EHD2: variants seen among roughly 807,000 people sequenced by gnomAD.
The protein encoded by EHD2 is EH domain containing 2.
Under a neutral mutation model 41.0 loss-of-function variants are expected in EHD2, and 27 were observed. The observed-to-expected ratio is 0.66, with a 90% CI of 0.49 to 0.91. The LOEUF (loss-of-function observed/expected upper bound fraction) is 0.91, where lower values mean the gene tolerates loss of function less well. EHD2 is among the 40% of genes least tolerant of loss of function. EHD2 has a pLI of 0.00. For synonymous variants in EHD2, 342 were observed against 341.0 expected, an observed-to-expected ratio of 1.00 and a Z score of -0.03; for missense variants, 673 against 773.9, an observed-to-expected ratio of 0.87 and a Z score of 1.55.
At chr19:47,731,280 A>AAAAAAAAAAAAAAAAAT (rs1491458646) in intron 4 of EHD2, 3 of 54,718 alleles carry the variant, frequency 5.5e-5, no homozygotes, top group African/African-American at 2.0e-4. Context: ...AAAAAAAAAA[A>AAAAAAAAAAAAAAAAAT]TATATATATA....
In EHD2 at chr19:47,742,263, C is replaced by T; in HGVS notation, c.*831C>T. ...CCCCAGTTCTGTCCACACCCCTTCC[C>T]TTTCCTGTCCTGTCCTTTCTTTCTT... On this transcript the variant is annotated 3_prime_UTR_variant, in exon 6 of 6. Coordinates refer to ENST00000263277, the MANE Select transcript of EHD2 (RefSeq NM_014601.4). The T allele has an allele frequency of 3.5e-6, 1 of 287,700 alleles. No homozygotes were observed. The highest frequency in any genetic ancestry group is 2.8e-5 in the South Asian group (1 of 35,370). The allele number at this position is 287,700 out of a possible 1,614,324, so 17.8% of individuals were successfully genotyped here.
Position 47,726,095 on chromosome 19 carries a change from C to A in EHD2, c.786C>A (p.Leu262=), listed in dbSNP as rs1599893661. 6.3e-7 allele frequency: 1 copy of A among 1,574,810 alleles called. No individual in the cohort carries two copies. Among genetic ancestry groups the A allele is most frequent in the East Asian group, 2.3e-5 (1 of 42,576 alleles). The change falls in exon 4 of 6, where the codon CTC becomes CTA. Residue 262 remains leucine, a synonymous_variant. Coordinates refer to ENST00000263277, the MANE Select transcript of EHD2 (RefSeq NM_014601.4). ...TCGGCTCCTTCTGGTCCCAGCCCCT[C>A]CTCGTGCCCGACAACCGGCGCCTCT... ...VYIGSFWSQP[L]LVPDNRRLFE...
chr19:47,729,888 C>T (rs926192018), intron 4 of EHD2, among the ~76,000 whole-genome samples: 9 of 152,110 alleles, frequency 5.9e-5, no homozygotes, highest in Admixed American at 2.6e-4. Context: ...TCCATTTTTA[C>T]TTTTTCTTTT....
Position 47,742,318 on chromosome 19 carries a change from G to C in EHD2, c.*886G>C, listed in dbSNP as rs1967000449. The C allele has an allele frequency of 7.7e-6, 2 of 259,946 alleles. No homozygotes were observed. Among genetic ancestry groups the C allele is most frequent in the African/African-American group, 4.7e-5 (2 of 42,634 alleles). 16.1% of individuals were successfully genotyped at this position (259,946 alleles called of 1,614,324 possible). A position where few individuals can be genotyped will look rare whatever the true frequency, so the allele number is the denominator to read the frequency against. The stretch of plus-strand genomic sequence containing the variant: ...GATAGAATCTTGCTCTGTCGCCCAG[G>C]CTGGAGTGCAGTGGTGAGATCTCAG... On this transcript the variant is annotated 3_prime_UTR_variant, in exon 6 of 6. Transcript: ENST00000263277.
At chr19:47,726,343 G>T (rs898513235) in intron 4 of EHD2, 119 bp downstream of exon 4, 1 of 1,254,084 alleles carries the variant, frequency 8.0e-7, no homozygotes, top group Non-Finnish European at 1.1e-6. Flanking sequence ...CTTGAAGTTG[G>T]GTCATTCTGG....
intron 4 of EHD2, among the ~76,000 whole-genome samples, chr19:47,730,486 C>T (rs1232350731): frequency 1.3e-5 from 2 of 152,118 alleles, no homozygotes; most frequent in African/African-American, 4.8e-5. Context: ...TCCTTTGCCC[C>T]GTGTCGCACC....
At chr19:47,733,061 C>T in intron 4 of EHD2, 1 of 147,074 alleles carries the variant, frequency 6.8e-6, no homozygotes, top group Non-Finnish European at 1.5e-5. Context: ...CCAGCCTGGG[C>T]AACAGAGTGA....
intron 4 of EHD2, among the ~76,000 whole-genome samples, chr19:47,734,826 G>A (rs899501644): frequency 6.6e-6 from 1 of 152,126 alleles, no homozygotes; most frequent in African/African-American, 2.4e-5. Flanking sequence ...GCCGAGGCGG[G>A]TGGATCTCTT....
chr19:47,716,443 A>G (rs1973625278), intron 1 of EHD2, 115 bp from the exon 2 acceptor site: 1 of 657,968 alleles, frequency 1.5e-6, no homozygotes, highest in Non-Finnish European at 2.4e-6. Context: ...GACCACAAAT[A>G]TCTGTGCTCC....
rs1396118948 is a variant in EHD2 at position 47,720,911 on chromosome 19, TGC to T, written c.502+2306_502+2307del. ...CTGTGTGTGATTACGTCTGTGTGTG[TGC>T]CTTTGGATTTGGGAGGGCATGGGAG... is the stretch of plus-strand genomic sequence containing the variant. On this transcript the variant is annotated intron_variant, in intron 3 of 5. Coordinates refer to ENST00000263277, the MANE Select transcript of EHD2 (RefSeq NM_014601.4). Among the ~76,000 whole-genome samples the T allele has an allele frequency of 4.6e-5, 7 of 152,150 alleles. No individual in the cohort carries two copies. The East Asian group carries it at 1.4e-3, about 29-fold the overall frequency.
chr19:47,720,102 T>C (rs1973679777), intron 3 of EHD2, among the ~76,000 whole-genome samples: 1 of 148,164 alleles, frequency 6.7e-6, no homozygotes, highest in Admixed American at 6.6e-5. Flanking sequence ...CTTTGAATTG[T>C]GTACATGCCT....
At chr19:47,729,177 G>A (rs1973783004) in intron 4 of EHD2, among the ~76,000 whole-genome samples, 1 of 152,152 alleles carries the variant, frequency 6.6e-6, no homozygotes, top group Non-Finnish European at 1.5e-5. Context: ...GGTCAGAGCT[G>A]GGGCGGGGTA....
chr19:47,735,149 C>T (rs188260327), intron 4 of EHD2, among the ~76,000 whole-genome samples: 74 of 152,298 alleles, frequency 4.9e-4, no homozygotes, highest in Middle Eastern at 3.4e-3. Flanking sequence ...ATGGGCACAG[C>T]TGAGGGCGAC....
Position 47,738,057 on chromosome 19 carries a change from CT to C in EHD2, c.1080+1528del, listed in dbSNP as rs555222840. ...CACCACGTACAGATAATTTTTCATA[CT>C]TTTAGTAGAGATGGGGTTTTGTCAT... On this transcript the variant is annotated intron_variant, in intron 5 of 5. Coordinates refer to ENST00000263277, the MANE Select transcript of EHD2 (RefSeq NM_014601.4). Among the ~76,000 whole-genome samples, 446 of 151,242 alleles carry C rather than the reference CT, an allele frequency of 2.9e-3. 1 individual carries two copies. The highest frequency in any genetic ancestry group is 0.01 in the African/African-American group (431 of 41,194).
At chr19:47,721,438 G>A (rs909455627) in intron 3 of EHD2, among the ~76,000 whole-genome samples, 8 of 151,542 alleles carry the variant, frequency 5.3e-5, no homozygotes, top group East Asian at 3.9e-4. Context: ...CTCAGCCTCC[G>A]GAGTAGCTGG....
intron 4 of EHD2, among the ~76,000 whole-genome samples, chr19:47,733,854 T>C (rs1191011792): frequency 6.6e-6 from 1 of 151,830 alleles, no homozygotes; most frequent in Non-Finnish European, 1.5e-5. Context: ...TTAAAATAAT[T>C]TTGACCACAG....
intron 3 of EHD2, among the ~76,000 whole-genome samples, chr19:47,721,854 G>A (rs925199601): frequency 6.6e-6 from 1 of 151,916 alleles, no homozygotes; most frequent in African/African-American, 2.4e-5. Context: ...GTGTGGTGGT[G>A]CTTGCCTGTA....
At position 47,719,003 on chromosome 19, in the gene EHD2, C is replaced by T. The variant is rs1347461310; in HGVS notation, c.502+397C>T. 6.6e-6 allele frequency among the ~76,000 whole-genome samples: 1 copy of T among 151,828 alleles called. No homozygotes were observed. The highest frequency in any genetic ancestry group is 1.5e-5 in the Non-Finnish European group (1 of 67,978). On this transcript the variant is annotated intron_variant, in intron 3 of 5. Transcript: ENST00000263277. This position sits in a 1 kb window ranked among gnomAD's most constrained non-coding sequence, Gnocchi z 4.1. ...ACTCCTGGGTCTAGAGGAGGAGGGG[C>T]GGTGTCTCCGCTGGGACTTGGGCCT...
At chr19:47,736,223 GA>G in intron 4 of EHD2, 145 bp from the exon 5 acceptor site, 1 of 705,206 alleles carries the variant, frequency 1.4e-6, no homozygotes, top group Non-Finnish European at 2.2e-6. Context: ...GAGAGAGAGA[GA>G]AAAAGAAATA....
Sources: gnomAD v4.1 joint callset for allele counts (sites outside exome capture counted in the v4.1 genomes callset) on GRCh38, gnomAD v4.1.1 for gene constraint, Gnocchi (gnomAD v3.1) non-coding constraint, MANE v1.5 for transcripts, NCBI Gene and HGNC (gene_info 2026-07-23, HGNC 2026-07-21) for gene names.